The following PPP3CA variants were observed in gnomAD, a reference collection of about 807,000 sequenced individuals.
PPP3CA encodes CAM-PRP catalytic subunit.
PPP3CA carries 14 observed loss-of-function variants against 66.5 expected under a neutral mutation model. The observed-to-expected ratio is 0.21, with a 90% CI of 0.14 to 0.33. PPP3CA has a LOEUF of 0.33. PPP3CA is among the 10% of genes least tolerant of loss of function. The pLI is 1.00. For missense variants in PPP3CA, 317 were observed against 639.5 expected, an observed-to-expected ratio of 0.50 and a Z score of 5.44; for synonymous variants, 232 against 226.2, an observed-to-expected ratio of 1.03 and a Z score of -0.23.
intron 11 of PPP3CA, among the ~76,000 whole-genome samples, chr4:101,033,891 TC>T (rs961032852): frequency 4.9e-4 from 75 of 152,304 alleles, no homozygotes; most frequent in African/African-American, 1.7e-3. Flanking sequence ...TTCTGTGACT[TC>T]CTTCTTTTGC....
chr4:101,333,362 C>G (rs1450830389), intron 1 of PPP3CA, among the ~76,000 whole-genome samples: 2 of 126,860 alleles, frequency 1.6e-5, no homozygotes, highest in Non-Finnish European at 3.1e-5. Context: ...TTCCTAGGCT[C>G]AAGTCCTCCC....
In PPP3CA at chr4:101,309,000, G is replaced by A. The variant is rs113346158; in HGVS notation, c.58+37739C>T. Among the ~76,000 whole-genome samples, 851 of 152,200 alleles carry A rather than the reference G, an allele frequency of 5.6e-3. 6 individuals are homozygous for A. Among genetic ancestry groups the A allele is most frequent in the East Asian group, 0.026 (132 of 5,172 alleles). ...AACTTAGCCTGGCATGGTGGTGTGC[G>A]TCTGTGGTCTTAGCTACTTGCGAGG... On this transcript the variant is annotated intron_variant, in intron 1 of 13. Coordinates refer to ENST00000394854, the MANE Select transcript of PPP3CA (RefSeq NM_000944.5).
At chr4:101,262,281 C>T (rs1210810880) in intron 1 of PPP3CA, among the ~76,000 whole-genome samples, 1 of 152,084 alleles carries the variant, frequency 6.6e-6, no homozygotes, top group African/African-American at 2.4e-5. Flanking sequence ...CAAACCCCTC[C>T]AGTCTTCTCC....
chr4:101,343,637 C>T (rs1477935276), intron 1 of PPP3CA, among the ~76,000 whole-genome samples: 2 of 152,144 alleles, frequency 1.3e-5, no homozygotes, highest in Non-Finnish European at 2.9e-5. Context: ...TGATACAGCA[C>T]TAGTTTTGCT....
intron 1 of PPP3CA, among the ~76,000 whole-genome samples, chr4:101,256,984 C>T (rs981257822): frequency 6.6e-6 from 1 of 151,952 alleles, no homozygotes; most frequent in Non-Finnish European, 1.5e-5. Flanking sequence ...AGATTAACTT[C>T]GCCAGGGTTG....
chr4:101,281,741 A>C (rs1364260683), intron 1 of PPP3CA, among the ~76,000 whole-genome samples: 1 of 152,236 alleles, frequency 6.6e-6, no homozygotes, highest in African/African-American at 2.4e-5. Flanking sequence ...ACAGCATTCA[A>C]CTCAAGTAAG....
chr4:101,299,002 T>C lies in PPP3CA; in HGVS notation c.58+47737A>G, dbSNP rs956920762. Among the ~76,000 whole-genome samples, 4 of 152,042 alleles carry C rather than the reference T, an allele frequency of 2.6e-5. No individual in the cohort carries two copies. The South Asian group carries it at 8.3e-4, about 32-fold the overall frequency. ...TGCACAAACCTAGATGGTATATATGTATATATTATTTCCCCATAGAAAACT... is the reference window on the plus strand; with the variant it reads ...TGCACAAACCTAGATGGTATATATGCATATATTATTTCCCCATAGAAAACT... On this transcript the variant is annotated intron_variant, in intron 1 of 13. Coordinates refer to ENST00000394854, the MANE Select transcript of PPP3CA (RefSeq NM_000944.5).
intron 11 of PPP3CA, among the ~76,000 whole-genome samples, chr4:101,034,025 T>C (rs191458681): frequency 7.9e-5 from 12 of 152,142 alleles, no homozygotes; most frequent in Non-Finnish European, 1.8e-4. Context: ...AGGGTGAGGC[T>C]TTTCATACCT....
At chr4:101,257,329 A>G (rs2110251556) in intron 1 of PPP3CA, among the ~76,000 whole-genome samples, 1 of 125,728 alleles carries the variant, frequency 8.0e-6, no homozygotes, top group South Asian at 2.8e-4. Flanking sequence ...CATGTATGAG[A>G]CTTTTTTTTT....
intron 8 of PPP3CA, among the ~76,000 whole-genome samples, chr4:101,067,077 C>T (rs1002255063): frequency 6.6e-6 from 1 of 152,058 alleles, no homozygotes; most frequent in African/African-American, 2.4e-5. Context: ...CATTATTAAC[C>T]ATCATTCAGA....
rs181852274 is a variant in PPP3CA, at chr4:101,093,430, C to T, written c.782+346G>A. Among the ~76,000 whole-genome samples, 38 of 150,570 alleles carry T rather than the reference C, an allele frequency of 2.5e-4. 1 individual carries two copies. Among genetic ancestry groups the T allele is most frequent in the Admixed American group, 2.1e-3 (32 of 15,132 alleles). Reference sequence around the variant, plus strand: ...TGTTTTTTTTTTTTTAGATACAATGCTATTGTACACTTAATAGACTACAGT... The same window carrying T: ...TGTTTTTTTTTTTTTAGATACAATGTTATTGTACACTTAATAGACTACAGT... On this transcript the variant is annotated intron_variant, in intron 6 of 13. Transcript: ENST00000394854.
chr4:101,336,132 T>A (rs1299891607), intron 1 of PPP3CA, among the ~76,000 whole-genome samples: 1 of 151,306 alleles, frequency 6.6e-6, no homozygotes, highest in Non-Finnish European at 1.5e-5. Flanking sequence ...GAAGAATGGC[T>A]TGAATCCAGG....
chr4:101,304,420 C>T (rs1017087405), intron 1 of PPP3CA, among the ~76,000 whole-genome samples: 5 of 152,226 alleles, frequency 3.3e-5, no homozygotes, highest in Middle Eastern at 6.8e-3. Flanking sequence ...TGCCCATTTC[C>T]GTGCCAATAG....
chr4:101,082,797 A>G (rs1349145890), intron 7 of PPP3CA, among the ~76,000 whole-genome samples: 3 of 152,222 alleles, frequency 2.0e-5, no homozygotes, highest in African/African-American at 7.2e-5. Flanking sequence ...AAAATGTGCA[A>G]TACCTGTTAA....
intron 1 of PPP3CA, among the ~76,000 whole-genome samples, chr4:101,270,673 T>C (rs970390767): frequency 4.6e-5 from 7 of 152,176 alleles, no homozygotes; most frequent in African/African-American, 1.7e-4. Context: ...CCATCCAACT[T>C]CCTTTATACT....
chr4:101,086,667 C>T (rs1298263648), intron 6 of PPP3CA, among the ~76,000 whole-genome samples: 1 of 152,154 alleles, frequency 6.6e-6, no homozygotes, highest in Non-Finnish European at 1.5e-5. Flanking sequence ...CTCTTCAAGG[C>T]TATCTCACCT....
intron 1 of PPP3CA, among the ~76,000 whole-genome samples, chr4:101,236,052 A>G (rs948085282): frequency 3.3e-5 from 5 of 151,914 alleles, no homozygotes; most frequent in Admixed American, 6.6e-5. Flanking sequence ...AAGAAAAGGA[A>G]TAAGACAGAC....
chr4:101,207,714 T>G (rs1560658910), intron 1 of PPP3CA, among the ~76,000 whole-genome samples: 5 of 151,856 alleles, frequency 3.3e-5, no homozygotes, highest in Admixed American at 1.3e-4. Flanking sequence ...TAATCCCAGC[T>G]ACTTGGGAGG....
At chr4:101,199,352 C>A (rs1542968) in intron 1 of PPP3CA, among the ~76,000 whole-genome samples, 31,270 of 146,208 alleles carry the variant, frequency 0.21, 4,493 homozygotes, top group African/African-American at 0.44. Flanking sequence ...AGTCTTACAA[C>A]AAGTTGCTTT....
Sources: allele counts gnomAD v4.1 joint callset (sites outside exome capture counted in the v4.1 genomes callset), GRCh38; gene constraint gnomAD v4.1.1; transcripts MANE v1.5; gene names NCBI Gene and HGNC (gene_info 2026-07-23, HGNC 2026-07-21).